The following ALG8 variants were observed in gnomAD, a reference collection of about 807,000 sequenced individuals.
ALG8 encodes the protein dolichyl pyrophosphate Glc1Man9GlcNAc2 alpha-1,3-glucosyltransferase.
In ALG8, 48 loss-of-function variants were observed where a neutral mutation model predicts 70.2. The ratio of observed to expected loss-of-function variants is 0.68; its 90% CI spans 0.54 to 0.87. The LOEUF (loss-of-function observed/expected upper bound fraction) is 0.87. ALG8 is among the 40% of genes least tolerant of loss of function. The pLI is 0.00. For synonymous variants in ALG8, 234 were observed against 229.0 expected (o/e 1.02, Z -0.20); for missense variants, 572 against 608.7 (o/e 0.94, Z 0.64).
chr11:78,127,759 G>C (rs1861143156), intron 1 of ALG8, among the ~76,000 whole-genome samples: 1 of 150,316 alleles, frequency 6.7e-6, no homozygotes, highest in East Asian at 2.0e-4. Context: ...ACCCAGGCTG[G>C]AGTGTAGTGG....
rs1859936231 is a variant in ALG8, at chr11:78,104,584, A to G, written c.1179-131T>C. On this transcript the variant is annotated intron_variant, in intron 10 of 12. Transcript: ENST00000299626. ...AACATGCTGATTTTGGCACAAGTTC[A>G]ATTTAGTTGAGAATATTAATTTTTT... The G allele has an allele frequency of 1.0e-5, 8 of 793,512 alleles. No homozygotes were observed. In the South Asian group the frequency reaches 1.2e-4, roughly 12 times the overall value. 49.2% of individuals were successfully genotyped at this position (793,512 alleles called of 1,614,324 possible).
rs1284596946 is a variant in ALG8, at chr11:78,104,468, A to G, written c.1179-15T>C. 2.6e-6 allele frequency: 4 copies of G among 1,556,756 alleles called. No individual in the cohort carries two copies. The African/African-American group carries it at 4.1e-5, about 16-fold the overall frequency. On this transcript the variant is annotated splice_polypyrimidine_tract_variant and intron_variant, in intron 10 of 12. Transcript: ENST00000299626. ...CAGACAAAAGGCTAAAAATAAAAAT[A>G]ATTTCTTAAAACAACAACTGTTATT...
intron 9 of ALG8, among the ~76,000 whole-genome samples, chr11:78,107,521 G>A (rs1380891140): frequency 6.7e-6 from 1 of 148,348 alleles, no homozygotes; most frequent in Non-Finnish European, 1.5e-5. Context: ...ACCTAGCCTT[G>A]ATGTATATAT....
chr11:78,116,037 A>G (rs949374587), intron 5 of ALG8, among the ~76,000 whole-genome samples: 5 of 152,348 alleles, frequency 3.3e-5, no homozygotes, highest in Middle Eastern at 3.4e-3. Flanking sequence ...AACACTACTT[A>G]GGAAAACTAA....
chr11:78,104,296 T>G (rs908476754), intron 11 of ALG8, 60 bp downstream of exon 11: 1 of 1,417,516 alleles, frequency 7.1e-7, no homozygotes, highest in Non-Finnish European at 9.6e-7. Flanking sequence ...TATTAATCTG[T>G]GGGCCTCGAT....
chr11:78,136,666 A>T (rs1301427411), intron 1 of ALG8, among the ~76,000 whole-genome samples: 1 of 152,226 alleles, frequency 6.6e-6, no homozygotes, highest in Admixed American at 6.5e-5. Context: ...GAGTAGATTT[A>T]GCATAAGTCT....
At position 78,139,537 on chromosome 11, in the gene ALG8, C is replaced by A. The variant is rs946504593; in HGVS notation, c.52G>T (p.Ala18Ser). 2 of 1,564,402 alleles carry A rather than the reference C, an allele frequency of 1.3e-6. No homozygotes were observed. Among genetic ancestry groups the A allele is most frequent in the Middle Eastern group, 1.7e-4 (1 of 6,004 alleles). Reference sequence around the variant, plus strand: ...CATTTGAGAAGAGTCACCCCGAGCGCCAAAGCCGAAAACCAATTGCCAGTA... The same window carrying A: ...CATTTGAGAAGAGTCACCCCGAGCGACAAAGCCGAAAACCAATTGCCAGTA... ...TGTGNWFSAL[A>S]LGVTLLKCLL... Residue 18 changes from alanine to serine, a missense_variant, in exon 1 of 13, where the codon GCG (alanine) becomes TCG (serine). Ala to Ser is a moderately conservative substitution (Grantham distance 99). Transcript: ENST00000299626.
chr11:78,104,187 G>A, intron 11 of ALG8, 135 bp from the exon 12 acceptor site: 1 of 901,726 alleles, frequency 1.1e-6, no homozygotes, highest in Non-Finnish European at 1.7e-6. Flanking sequence ...ACATTTTTGT[G>A]ACATCTAGAG....
rs192241801 is a variant in ALG8, at chr11:78,114,276, T to C, written c.663A>G (p.Ala221=). The C allele has an allele frequency of 5.6e-6, 9 of 1,614,126 alleles. No individual in the cohort carries two copies. In the East Asian group the frequency reaches 2.0e-4, roughly 36 times the overall value. Residue 221 remains alanine (A), a synonymous_variant, in exon 6 of 13, where the codon GCA becomes GCG. Coordinates refer to ENST00000299626, the MANE Select transcript of ALG8 (RefSeq NM_024079.5). ...ATTACCAAAACTTGCCTGGTTTATT[T>C]GCAGTGAAACAGTAGGATCGCAGCA... The part of the protein sequence containing the change: ...VYLLRSYCFT[A]NKPDGSIRWK...
chr11:78,131,582 AAC>A (rs1486130613), intron 1 of ALG8, among the ~76,000 whole-genome samples: 2 of 152,234 alleles, frequency 1.3e-5, no homozygotes, highest in African/African-American at 4.8e-5. Flanking sequence ...TAGCCTGAGC[AAC>A]AGAGTTAGAC....
chr11:78,132,630 C>T (rs1451553332), intron 1 of ALG8, among the ~76,000 whole-genome samples: 2 of 152,120 alleles, frequency 1.3e-5, no homozygotes, highest in Non-Finnish European at 2.9e-5. Flanking sequence ...AATACTTTCA[C>T]ACCACAGGGC....
chr11:78,107,922 C>T (rs901200069), intron 9 of ALG8, among the ~76,000 whole-genome samples: 1 of 150,146 alleles, frequency 6.7e-6, no homozygotes, highest in Non-Finnish European at 1.5e-5. Context: ...TGATGCAAGT[C>T]GATTACGAGG....
chr11:78,110,594 G>C (rs1446020112), intron 8 of ALG8, among the ~76,000 whole-genome samples: 3 of 152,174 alleles, frequency 2.0e-5, no homozygotes, highest in Non-Finnish European at 4.4e-5. Context: ...ATGATGATGA[G>C]TTCATTTCTA....
chr11:78,124,150 T>C lies in ALG8; in HGVS notation c.239A>G (p.His80Arg). The C allele has an allele frequency of 6.2e-7, 1 of 1,614,146 alleles. No individual in the cohort carries two copies. The highest frequency in any genetic ancestry group is 8.5e-7 in the Non-Finnish European group (1 of 1,180,030). ...TTCTTGATCAAAATATTTGGCAACA[T>C]GTGACAGGATATACTCAAACCATGC... ...FFAWFEYILSHVAKYFDQEML... is the reference protein window; with the variant it reads ...FFAWFEYILSRVAKYFDQEML... The change falls in exon 3 of 13, where the codon CAT becomes CGT. Residue 80 changes from histidine (H) to arginine (R), a missense_variant. By Grantham distance (29) the His-to-Arg change is conservative. Coordinates refer to ENST00000299626, the MANE Select transcript of ALG8 (RefSeq NM_024079.5).
intron 2 of ALG8, among the ~76,000 whole-genome samples, chr11:78,126,070 A>G (rs1861058953): frequency 6.6e-6 from 1 of 151,786 alleles, no homozygotes; most frequent in Non-Finnish European, 1.5e-5. Flanking sequence ...GAGGCAGGAG[A>G]ATGGCGTGAA....
At chr11:78,107,222 T>A (rs908252231) in intron 9 of ALG8, among the ~76,000 whole-genome samples, 2 of 135,140 alleles carry the variant, frequency 1.5e-5, no homozygotes, top group South Asian at 2.4e-4. Context: ...TATATATATA[T>A]AATTTTTTGT....
chr11:78,138,815 T>C lies in ALG8; in HGVS notation c.95+679A>G, dbSNP rs141536742. On this transcript the variant is annotated intron_variant, in intron 1 of 12. Coordinates refer to ENST00000299626, the MANE Select transcript of ALG8 (RefSeq NM_024079.5). Reference sequence around the variant, plus strand: ...AGTCTAACTGTGGTCTTCGAAACCCTGTGTTATCTGTCCCCAGTGCACCCC... The same window carrying C: ...AGTCTAACTGTGGTCTTCGAAACCCCGTGTTATCTGTCCCCAGTGCACCCC... 708 of 456,298 alleles carry C rather than the reference T, an allele frequency of 1.6e-3. 3 individuals carry two copies. The highest frequency in any genetic ancestry group is 0.012 in the African/African-American group (624 of 50,194). The allele number at this position is 456,298 out of a possible 1,614,324, so 28.3% of individuals were successfully genotyped here. A position where few individuals can be genotyped will look rare whatever the true frequency, so the allele number is the denominator to read the frequency against.
At chr11:78,132,855 T>C (rs889559534) in intron 1 of ALG8, among the ~76,000 whole-genome samples, 107 of 125,612 alleles carry the variant, frequency 8.5e-4, no homozygotes, top group African/African-American at 3.3e-3. Flanking sequence ...TTTTTTTTTT[T>C]AGATGGAGTC....
chr11:78,130,700 C>G (rs1861275106), intron 1 of ALG8, among the ~76,000 whole-genome samples: 1 of 152,012 alleles, frequency 6.6e-6, no homozygotes, highest in Non-Finnish European at 1.5e-5. Context: ...CCATAGCAGT[C>G]TGAAATGTCT....
Sources: allele counts gnomAD v4.1 joint callset (sites outside exome capture counted in the v4.1 genomes callset), GRCh38; gene constraint gnomAD v4.1.1; transcripts MANE v1.5; gene names NCBI Gene and HGNC (gene_info 2026-07-23, HGNC 2026-07-21).